SH3BP5L: variants seen among roughly 807,000 people sequenced by gnomAD.
SH3BP5L encodes SH3 binding domain protein 5 like, also known as SH3 domain-binding protein 5-like.
Under a neutral mutation model 40.9 loss-of-function variants are expected in SH3BP5L, and 16 were observed. The observed-to-expected ratio is 0.39, with a 90% confidence interval of 0.27 to 0.59. The LOEUF is 0.59. Among genes scored for constraint, SH3BP5L ranks in the 20% least tolerant of loss-of-function variants. SH3BP5L has a pLI of 0.53. For missense variants in SH3BP5L, 471 were observed against 544.6 expected (o/e 0.86, Z 1.35); for synonymous variants, 229 against 226.7 (o/e 1.01, Z -0.09).
rs1235737963 is a variant in SH3BP5L, at chr1:248,824,866, C to G, written c.70G>C (p.Glu24Gln). Residue 24 changes from glutamate (E) to glutamine (Q), a missense_variant, in exon 2 of 7, where the codon GAG (glutamate) becomes CAG (glutamine). By Grantham distance (29) the Glu-to-Gln change is conservative. Coordinates refer to ENST00000366472, the MANE Select transcript of SH3BP5L (RefSeq NM_030645.3). ...PQGELRPEVV[E>Q]DEVPRSPVAE... is the part of the protein sequence containing the mutation. The stretch of plus-strand genomic sequence containing the variant: ...ACTGGGCTCCTAGGGACTTCATCCT[C>G]TACAACTTCAGGCCGCAGCTCCCCC... The G allele has an allele frequency of 6.2e-7, 1 of 1,614,180 alleles. No individual in the cohort carries two copies. Among genetic ancestry groups the G allele is most frequent in the South Asian group, 1.1e-5 (1 of 91,086 alleles).
In SH3BP5L at chr1:248,822,395, A is replaced by G. The variant is rs1664273396; in HGVS notation, c.183+2358T>C. ...CTGAGGTCAGAGCACTGGCGTACCC[A>G]CACCTGTGTCATCAAATGAGGGAAG... On this transcript the variant is annotated intron_variant, in intron 2 of 6. Transcript: ENST00000366472. Among the ~76,000 whole-genome samples the G allele has an allele frequency of 4.6e-5, 7 of 152,134 alleles. No individual in the cohort carries two copies. The South Asian group carries it at 1.5e-3, about 32-fold the overall frequency.
In SH3BP5L at chr1:248,812,123, C is replaced by T; in HGVS notation, c.959G>A (p.Ser320Asn). ...GAEGAGLEEG[S>N]SLGPGPAPDT... ...GGGGGCGGGGCCGGGCCCCAGGCTGCTGCCCTCCTCCAGCCCCGCACCCTC... is the reference window on the plus strand; with the variant it reads ...GGGGGCGGGGCCGGGCCCCAGGCTGTTGCCCTCCTCCAGCCCCGCACCCTC... The change falls in exon 7 of 7, where the codon AGC becomes AAC. Residue 320 changes from serine to asparagine, a missense_variant. Ser to Asn is a conservative substitution (Grantham distance 46, BLOSUM62 1). This residue lies in a region of SH3BP5L where 196 missense variants were observed against 174.6 expected (regional missense o/e 1.12). Coordinates refer to ENST00000366472, the MANE Select transcript of SH3BP5L (RefSeq NM_030645.3). The surrounding 1 kb of genome is among the most constrained non-coding windows in gnomAD (Gnocchi z 6.1). 7 of 1,608,390 alleles carry T rather than the reference C, an allele frequency of 4.4e-6. No homozygotes were observed. Among genetic ancestry groups the T allele is most frequent in the Non-Finnish European group, 5.9e-6 (7 of 1,177,326 alleles).
At chr1:248,817,416 G>C (rs1345627022) in intron 2 of SH3BP5L, among the ~76,000 whole-genome samples, 1 of 152,204 alleles carries the variant, frequency 6.6e-6, no homozygotes, top group Non-Finnish European at 1.5e-5. Flanking sequence ...TCAGCAGCAG[G>C]TCCTGGGCAG....
At chr1:248,813,979 G>A (rs1664029814) in intron 5 of SH3BP5L, 1 of 174,738 alleles carries the variant, frequency 5.7e-6, no homozygotes, top group South Asian at 1.2e-4. Flanking sequence ...AGCTGAAGGT[G>A]GCAGACAGGG....
At chr1:248,816,431 C>A (rs1664106312) in intron 4 of SH3BP5L, 103 bp downstream of exon 4, 3 of 1,489,036 alleles carry the variant, frequency 2.0e-6, no homozygotes, top group Admixed American at 1.7e-5. Flanking sequence ...CAGGGCTCTG[C>A]CCTCAGGGTC....
chr1:248,825,383 G>A lies in SH3BP5L; in HGVS notation c.-431-17C>T. On this transcript the variant is annotated splice_polypyrimidine_tract_variant and intron_variant, in intron 1 of 6. Transcript: ENST00000366472. The stretch of plus-strand genomic sequence containing the variant: ...TCTGGGGAGCTGCAGAGAAACAAAG[G>A]CCAAGTATATGGTCATGTCAGCATC... 2.0e-6 allele frequency: 2 copies of A among 994,068 alleles called. No homozygotes were observed. The highest frequency in any genetic ancestry group is 1.1e-4 in the East Asian group (1 of 8,948). 61.6% of individuals were successfully genotyped at this position (994,068 alleles called of 1,614,324 possible).
At chr1:248,815,453 G>C (rs1222089868) in intron 4 of SH3BP5L, among the ~76,000 whole-genome samples, 2 of 152,128 alleles carry the variant, frequency 1.3e-5, no homozygotes, top group African/African-American at 4.8e-5. Flanking sequence ...ATGGTTATCT[G>C]TGCTGTATTA....
chr1:248,824,346 A>T (rs1403554890), intron 2 of SH3BP5L, among the ~76,000 whole-genome samples: 1 of 152,190 alleles, frequency 6.6e-6, no homozygotes, highest in Non-Finnish European at 1.5e-5. Context: ...ACTCAGCCTC[A>T]AAACTGTCCC....
chr1:248,813,462 C>T (rs1275920272), intron 5 of SH3BP5L: 2 of 340,286 alleles, frequency 5.9e-6, no homozygotes, highest in African/African-American at 4.2e-5. Flanking sequence ...CCACTGGCTA[C>T]TCAGCTTTGC....
At position 248,811,862 on chromosome 1, in the gene SH3BP5L, G is replaced by A. The variant is rs1191517122; in HGVS notation, c.*38C>T. The A allele has an allele frequency of 4.2e-6, 6 of 1,416,532 alleles. No homozygotes were observed. In the South Asian group the frequency reaches 5.5e-5, roughly 13 times the overall value. 87.7% of individuals were successfully genotyped at this position (1,416,532 alleles called of 1,614,324 possible). A position where few individuals can be genotyped will look rare whatever the true frequency, so the allele number is the denominator to read the frequency against. ...GAAGACTGTGGGCCCCAACCGGCCC[G>A]TGGTGGCAGATTCAAGCCAGGAACC... On this transcript the variant is annotated 3_prime_UTR_variant, in exon 7 of 7. Coordinates refer to ENST00000366472, the MANE Select transcript of SH3BP5L (RefSeq NM_030645.3).
chr1:248,818,902 G>C (rs1664179937), intron 2 of SH3BP5L, among the ~76,000 whole-genome samples: 1 of 152,192 alleles, frequency 6.6e-6, no homozygotes, highest in African/African-American at 2.4e-5. Context: ...AGGCCAGAGA[G>C]ACCCAGCCCA....
chr1:248,812,032 G>A lies in SH3BP5L; in HGVS notation c.1050C>T (p.Ser350=), dbSNP rs534949541. The A allele has an allele frequency of 6.8e-6, 11 of 1,612,542 alleles. No individual in the cohort carries two copies. Among genetic ancestry groups the A allele is most frequent in the African/African-American group, 4.0e-5 (3 of 75,012 alleles). ...CCGAGAGGCCTCGCAAGTGCTCCAC[G>A]GAGTCGCACTTCTGCAGGTCTGAAG... ...TVASDLQKCD[S]VEHLRGLSDH... The change falls in exon 7 of 7, where the codon TCC becomes TCT. Residue 350 remains serine, a synonymous_variant. Transcript: ENST00000366472. This position sits in a 1 kb window ranked among gnomAD's most constrained non-coding sequence, Gnocchi z 6.1.
chr1:248,814,618 G>A lies in SH3BP5L; in HGVS notation c.376-8C>T, dbSNP rs768979331. The A allele has an allele frequency of 2.4e-5, 38 of 1,614,104 alleles. No individual in the cohort carries two copies. Among genetic ancestry groups the A allele is most frequent in the Non-Finnish European group, 3.0e-5 (35 of 1,180,046 alleles). The stretch of plus-strand genomic sequence containing the variant: ...CTGTGTCTCCTGCTGAGCCTGGGGG[G>A]AGAGGGATATCAGGATGGGGAACCC... On this transcript the variant is annotated splice_region_variant and splice_polypyrimidine_tract_variant and intron_variant, in intron 4 of 6. Coordinates refer to ENST00000366472, the MANE Select transcript of SH3BP5L (RefSeq NM_030645.3).
chr1:248,819,510 T>C (rs1286774379), intron 2 of SH3BP5L, among the ~76,000 whole-genome samples: 1 of 151,758 alleles, frequency 6.6e-6, no homozygotes, highest in East Asian at 1.9e-4. Context: ...GAGAACAGCC[T>C]GGGCAACATG....
intron 2 of SH3BP5L, among the ~76,000 whole-genome samples, chr1:248,819,396 C>T (rs1178957209): frequency 2.1e-5 from 3 of 144,974 alleles, no homozygotes; most frequent in Non-Finnish European, 4.5e-5. Context: ...AGCTGATGAG[C>T]TTAAAAAAAA....
In SH3BP5L at chr1:248,812,067, G is replaced by A. The variant is rs1572178119; in HGVS notation, c.1015C>T (p.Arg339Cys). The change falls in exon 7 of 7, where the codon CGC (arginine) becomes TGC (cysteine). Residue 339 changes from arginine to cysteine, a missense_variant. This residue lies in a region of SH3BP5L where 196 missense variants were observed against 174.6 expected (regional missense o/e 1.12). Transcript: ENST00000366472. The surrounding 1 kb of genome is among the most constrained non-coding windows in gnomAD (Gnocchi z 6.1). ...DTDTLSLLSL[R>C]TVASDLQKCD... The stretch of plus-strand genomic sequence containing the variant: ...TTCTGCAGGTCTGAAGCCACCGTGC[G>A]CAGGCTCAGCAGACTCAGGGTATCG... 7 of 1,612,892 alleles carry A rather than the reference G, an allele frequency of 4.3e-6. No homozygotes were observed. Among genetic ancestry groups the A allele is most frequent in the South Asian group, 1.1e-5 (1 of 91,044 alleles).
chr1:248,813,297 G>C, intron 5 of SH3BP5L, 135 bp from the exon 6 acceptor site: 2 of 924,672 alleles, frequency 2.2e-6, no homozygotes, highest in Non-Finnish European at 1.5e-6. Context: ...ACTGTGTACA[G>C]AGCCCGAGAC....
chr1:248,811,728 T>G lies in SH3BP5L; in HGVS notation c.*172A>C. The G allele has an allele frequency of 1.8e-6, 1 of 557,544 alleles. No individual in the cohort carries two copies. Among genetic ancestry groups the G allele is most frequent in the South Asian group, 2.5e-5 (1 of 40,660 alleles). 34.5% of individuals were successfully genotyped at this position (557,544 alleles called of 1,614,324 possible). A position where few individuals can be genotyped will look rare whatever the true frequency, so the allele number is the denominator to read the frequency against. On this transcript the variant is annotated 3_prime_UTR_variant, in exon 7 of 7. Transcript: ENST00000366472. ...CCTGCTGAGGGGAAGGGGGAGGCTG[T>G]GAGAACGCCAGGGCAGGCACAGAGG...
At chr1:248,817,329 C>T (rs969854521) in intron 2 of SH3BP5L, among the ~76,000 whole-genome samples, 1 of 152,206 alleles carries the variant, frequency 6.6e-6, no homozygotes, top group Non-Finnish European at 1.5e-5. Flanking sequence ...GTTTACTGCA[C>T]ACTTATCACC....
Sources: gnomAD v4.1 joint callset for allele counts (sites outside exome capture counted in the v4.1 genomes callset) on GRCh38, gnomAD v4.1.1 for gene constraint, gnomAD v4.1.1 regional missense constraint, Gnocchi (gnomAD v3.1) non-coding constraint, MANE v1.5 for transcripts, NCBI Gene and HGNC (gene_info 2026-07-23, HGNC 2026-07-21) for gene names.